The following ADGRL2 variants were observed in gnomAD, a reference collection of about 807,000 sequenced individuals.
ADGRL2 encodes calcium-independent alpha-latrotoxin receptor 2.
A neutral mutation model predicts 157.4 loss-of-function variants in ADGRL2; 44 were observed. The ratio of observed to expected loss-of-function variants is 0.28; its 90% CI spans 0.22 to 0.36. The LOEUF is 0.36. Ranked by LOEUF, ADGRL2 falls within the 10% of genes least tolerant of loss-of-function variation. The pLI is 1.00. For missense variants in ADGRL2, 1,510 were observed against 1,768.9 expected, an observed-to-expected ratio of 0.85 and a Z score of 2.63; for synonymous variants, 585 against 624.7, an observed-to-expected ratio of 0.94 and a Z score of 0.95.
At chr1:81,922,134 T>C (rs1370875856) in intron 3 of ADGRL2, among the ~76,000 whole-genome samples, 2 of 152,144 alleles carry the variant, frequency 1.3e-5, no homozygotes, top group African/African-American at 4.8e-5. Flanking sequence ...AAATCTCCCT[T>C]ATAGTGTAAC....
intron 1 of ADGRL2, among the ~76,000 whole-genome samples, chr1:81,441,912 T>C (rs2077514983): frequency 6.6e-6 from 1 of 152,140 alleles, no homozygotes; most frequent in Non-Finnish European, 1.5e-5. Context: ...CGATCATAGC[T>C]CACTGCAGGA....
At chr1:81,821,136 TTAAC>T (rs1408218503) in intron 1 of ADGRL2, among the ~76,000 whole-genome samples, 2 of 152,200 alleles carry the variant, frequency 1.3e-5, no homozygotes, top group African/African-American at 2.4e-5. Flanking sequence ...TGAATTTTAT[TTAAC>T]TAGTTAAGGA....
intron 3 of ADGRL2, among the ~76,000 whole-genome samples, chr1:81,628,114 C>T (rs1354757063): frequency 6.6e-6 from 1 of 152,158 alleles, no homozygotes; most frequent in Non-Finnish European, 1.5e-5. Context: ...TTGAATTAGA[C>T]TCTTGGACCC....
intron 3 of ADGRL2, among the ~76,000 whole-genome samples, chr1:81,933,279 C>T (rs1389128667): frequency 2.0e-5 from 3 of 152,142 alleles, no homozygotes; most frequent in Admixed American, 6.6e-5. Flanking sequence ...TCATTCATAC[C>T]GATTTTTTAT....
intron 2 of ADGRL2, among the ~76,000 whole-genome samples, chr1:81,899,719 T>C (rs2094454720): frequency 6.6e-6 from 1 of 152,168 alleles, no homozygotes; most frequent in East Asian, 1.9e-4. Flanking sequence ...GCTTATTTTT[T>C]TGTTGTTGTT....
At chr1:81,743,355 C>G (rs2149231415) in intron 1 of ADGRL2, among the ~76,000 whole-genome samples, 1 of 144,506 alleles carries the variant, frequency 6.9e-6, no homozygotes, top group African/African-American at 2.6e-5. Flanking sequence ...TAGGGACATT[C>G]TTATGGGGGC....
intron 1 of ADGRL2, among the ~76,000 whole-genome samples, chr1:81,362,574 T>G (rs552031578): frequency 6.6e-6 from 1 of 151,996 alleles, no homozygotes; most frequent in East Asian, 1.9e-4. Flanking sequence ...TTCAAAAATA[T>G]AAGGTATATT....
chr1:81,402,425 T>G (rs1041892939), intron 1 of ADGRL2, among the ~76,000 whole-genome samples: 5 of 152,106 alleles, frequency 3.3e-5, no homozygotes, highest in African/African-American at 1.2e-4. Context: ...GATGATTCTT[T>G]GATGCACACC....
At chr1:81,696,615 G>A (rs530414953), upstream of ADGRL2, among the ~76,000 whole-genome samples, 68 of 152,240 alleles carry the variant, frequency 4.5e-4, no homozygotes, top group East Asian at 0.011. Flanking sequence ...AGCCGGGTGT[G>A]GTGGCGGGCG....
At chr1:81,951,855 C>T (rs1474758742) in intron 8 of ADGRL2, 102 bp from the exon 9 acceptor site, 3 of 849,354 alleles carry the variant, frequency 3.5e-6, no homozygotes, top group Non-Finnish European at 5.2e-6. Context: ...GAGAATTTAA[C>T]ATTCGCAAAT....
intron 1 of ADGRL2, among the ~76,000 whole-genome samples, chr1:81,374,304 C>T (rs970193326): frequency 1.0e-4 from 14 of 140,320 alleles, no homozygotes; most frequent in African/African-American, 4.2e-4. Context: ...GGCATGGTGG[C>T]TCACGCCTAT....
chr1:81,950,019 G>T (rs1299605481), intron 6 of ADGRL2, among the ~76,000 whole-genome samples, 170 bp from the exon 7 acceptor site: 2 of 152,136 alleles, frequency 1.3e-5, no homozygotes, highest in African/African-American at 2.4e-5. Context: ...CAGATGAAAA[G>T]ATGTATTCTT....
intron 1 of ADGRL2, among the ~76,000 whole-genome samples, chr1:81,365,625 C>G (rs1238091295): frequency 6.6e-6 from 1 of 152,138 alleles, no homozygotes; most frequent in Non-Finnish European, 1.5e-5. Context: ...ACTGATTTAC[C>G]TAATAATATT....
At chr1:81,511,464 A>G (rs1168691208) in intron 2 of ADGRL2, among the ~76,000 whole-genome samples, 1 of 151,832 alleles carries the variant, frequency 6.6e-6, no homozygotes, top group Admixed American at 6.6e-5. Context: ...CAAAGGCCAA[A>G]TACTTCTCAA....
chr1:81,747,152 T>TATATATGTATGTGTGTATATATAC (rs1262562694), intron 1 of ADGRL2, among the ~76,000 whole-genome samples: 5 of 147,282 alleles, frequency 3.4e-5, no homozygotes, highest in Admixed American at 6.8e-5. Context: ...CATATATACG[T>TATATATGTATGTGTGTATATATAC]ATATATGTAT....
At chr1:81,412,342 T>C (rs557461479) in intron 1 of ADGRL2, among the ~76,000 whole-genome samples, 1 of 152,354 alleles carries the variant, frequency 6.6e-6, no homozygotes, top group Non-Finnish European at 1.5e-5. Flanking sequence ...TAAATGATTT[T>C]GTGAATATAA....
At chr1:81,895,753 T>TA (rs1270552263) in intron 2 of ADGRL2, among the ~76,000 whole-genome samples, 5 of 152,214 alleles carry the variant, frequency 3.3e-5, no homozygotes, top group East Asian at 1.9e-4. Flanking sequence ...GTTAGTGCTT[T>TA]AAAAAAATTG....
At chr1:81,367,056 G>T (rs1228392307) in intron 1 of ADGRL2, among the ~76,000 whole-genome samples, 3 of 152,162 alleles carry the variant, frequency 2.0e-5, no homozygotes, top group African/African-American at 7.2e-5. Context: ...TTACAGAACA[G>T]TTCCACCTGG....
At chr1:81,690,421 C>T (rs1440739591) in intron 3 of ADGRL2, among the ~76,000 whole-genome samples, 9 of 152,082 alleles carry the variant, frequency 5.9e-5, no homozygotes, top group African/African-American at 9.7e-5. Flanking sequence ...ACTTGAACCC[C>T]GGAGGTGGAG....
Sources: gnomAD v4.1 joint callset for allele counts (sites outside exome capture counted in the v4.1 genomes callset) on GRCh38, gnomAD v4.1.1 for gene constraint, MANE v1.5 for transcripts, NCBI Gene and HGNC (gene_info 2026-07-23, HGNC 2026-07-21) for gene names.